The following CFHR1 variants were observed in gnomAD, a reference collection of about 807,000 sequenced individuals.
CFHR1 encodes the protein complement factor H-related protein 1.
A neutral mutation model predicts 30.4 loss-of-function variants in CFHR1; 22 were observed. The observed-to-expected ratio is 0.72, with a 90% CI of 0.52 to 1.03. CFHR1 has a LOEUF of 1.03. Ranked by LOEUF, CFHR1 falls within the 50% of genes least tolerant of loss-of-function variation. The pLI, the probability that CFHR1 is intolerant of heterozygous loss-of-function variation, is 0.00. For missense variants in CFHR1, 248 were observed against 380.6 expected (o/e 0.65, Z 2.90); for synonymous variants, 95 against 129.1 (o/e 0.74, Z 1.79).
At chr1:196,830,813 T>C in intron 5 of CFHR1, 131 bp downstream of exon 5, 1 of 1,261,838 alleles carries the variant, frequency 7.9e-7, no homozygotes, top group Non-Finnish European at 1.1e-6. Flanking sequence ...AAAATTTCTT[T>C]TAGAAAGTAA....
Position 196,823,174 on chromosome 1 carries a change from T to C in CFHR1, c.59-2303T>C, listed in dbSNP as rs2124885770. On this transcript the variant is annotated intron_variant, in intron 1 of 5. Coordinates refer to ENST00000320493, the MANE Select transcript of CFHR1 (RefSeq NM_002113.3). ...GTATTCACAATATTCTATCAAAATATTGAGACAATAAAAATTATTTTCTAC... is the reference window on the plus strand; with the variant it reads ...GTATTCACAATATTCTATCAAAATACTGAGACAATAAAAATTATTTTCTAC... Among the ~76,000 whole-genome samples, 2 of 132,986 alleles carry C rather than the reference T, an allele frequency of 1.5e-5. 1 individual carries two copies. The highest frequency in any genetic ancestry group is 6.5e-5 in the African/African-American group (2 of 30,784). 87.2% of individuals were successfully genotyped at this position (132,986 alleles called of 152,430 possible). A position where few individuals can be genotyped will look rare whatever the true frequency, so the allele number is the denominator to read the frequency against.
Position 196,830,513 on chromosome 1 carries a change from A to T in CFHR1, c.621A>T (p.Lys207Asn), listed in dbSNP as rs779301432. The change falls in exon 5 of 6, where the codon AAA becomes AAT. Residue 207 changes from lysine (K) to asparagine (N), a missense_variant. Transcript: ENST00000320493. ...EPPQCKDSTG[K>N]CGPPPPIDNG... Reference sequence around the variant, plus strand: ...GATGTTTTTTAGATTCTACGGGAAAATGTGGGCCCCCTCCACCTATTGACA... The same window carrying T: ...GATGTTTTTTAGATTCTACGGGAAATTGTGGGCCCCCTCCACCTATTGACA... The T allele has an allele frequency of 2.6e-6, 4 of 1,525,314 alleles. 1 individual carries two copies. The allele number at this position is 1,525,314 out of a possible 1,614,324, so 94.5% of individuals were successfully genotyped here. A position where few individuals can be genotyped will look rare whatever the true frequency, so the allele number is the denominator to read the frequency against.
intron 2 of CFHR1, 175 bp downstream of exon 2, chr1:196,825,846 A>G: frequency 1.7e-6 from 1 of 597,432 alleles, no homozygotes; most frequent in South Asian, 2.5e-5. Context: ...TGAAGAATAA[A>G]TATGTCAACT....
In CFHR1 at chr1:196,826,831, C is replaced by A. The variant is rs768098155; in HGVS notation, c.256C>A (p.Leu86Met). ...GWSPTPKCLRLCFFPFVENGH... is the reference protein window; with the variant it reads ...GWSPTPKCLRMCFFPFVENGH... Reference sequence around the variant, plus strand: ...ATTAATCCGTTTTTGGTCCTTAGGACTGTGTTTCTTTCCTTTTGTGGAAAA... The same window carrying A: ...ATTAATCCGTTTTTGGTCCTTAGGAATGTGTTTCTTTCCTTTTGTGGAAAA... Residue 86 changes from leucine (L) to methionine (M), a missense_variant and splice_region_variant, in exon 3 of 6, where the codon CTG (leucine) becomes ATG (methionine). By Grantham distance (15) the Leu-to-Met change is conservative (BLOSUM62 2). Transcript: ENST00000320493. The A allele has an allele frequency of 1.3e-6, 2 of 1,523,662 alleles. 1 individual carries two copies. Among genetic ancestry groups the A allele is most frequent in the South Asian group, 2.5e-5 (2 of 80,226 alleles). The allele number at this position is 1,523,662 out of a possible 1,614,324, so 94.4% of individuals were successfully genotyped here.
rs548339688 is a variant in CFHR1, at chr1:196,831,084, T to A, written c.790+402T>A. Among the ~76,000 whole-genome samples, 5 of 135,238 alleles carry A rather than the reference T, an allele frequency of 3.7e-5. No individual in the cohort carries two copies. In the South Asian group the frequency reaches 1.3e-3, roughly 35 times the overall value. 88.7% of individuals were successfully genotyped at this position (135,238 alleles called of 152,430 possible). On this transcript the variant is annotated intron_variant, in intron 5 of 5. Coordinates refer to ENST00000320493, the MANE Select transcript of CFHR1 (RefSeq NM_002113.3). ...GAGGCGGAGCTTGCAGTGAGCCGAG[T>A]TCGCGCCACTGCACTCCAGCCTGGG...
Position 196,824,156 on chromosome 1 carries a change from C to A in CFHR1, c.59-1321C>A, listed in dbSNP as rs117105494. On this transcript the variant is annotated intron_variant, in intron 1 of 5. Transcript: ENST00000320493. Reference sequence around the variant, plus strand: ...ATTGGTTCCAGGACGCTACCCACCCCCAGCAGATACCAAAATCCAAGGATA... The same window carrying A: ...ATTGGTTCCAGGACGCTACCCACCCACAGCAGATACCAAAATCCAAGGATA... 8.8e-4 allele frequency among the ~76,000 whole-genome samples: 118 copies of A among 134,748 alleles called. 15 individuals are homozygous for A. In the East Asian group the frequency reaches 0.023, roughly 26 times the overall value. The allele number at this position is 134,748 out of a possible 152,430, so 88.4% of individuals were successfully genotyped here.
rs1655371795 is a variant in CFHR1 at position 196,827,384 on chromosome 1, T to TAA, written c.430+379_430+380insAA. 1.5e-5 allele frequency among the ~76,000 whole-genome samples: 2 copies of TAA among 135,642 alleles called. 1 individual carries two copies. 89.0% of individuals were successfully genotyped at this position (135,642 alleles called of 152,430 possible). ...GTGTGAGAAGCATTGCTATAGTCTA[T>TAA]TATCACTACACATGGACCTGAAACT... On this transcript the variant is annotated intron_variant, in intron 3 of 5. Coordinates refer to ENST00000320493, the MANE Select transcript of CFHR1 (RefSeq NM_002113.3).
At chr1:196,830,435 C>T (rs1571379837) in intron 4 of CFHR1, 65 bp from the exon 5 acceptor site, 5 of 1,464,482 alleles carry the variant, frequency 3.4e-6, no homozygotes, top group Admixed American at 3.5e-5. Context: ...TTGTATTTGC[C>T]TTATTTGAAC....
At position 196,825,315 on chromosome 1, in the gene CFHR1, T is replaced by C. The variant is rs1363631148; in HGVS notation, c.59-162T>C. ...CAAATAGTCATGTACTCCTAGTTAGTGATGCTTTTCATTCCTAATTTGTAC... is the reference window on the plus strand; with the variant it reads ...CAAATAGTCATGTACTCCTAGTTAGCGATGCTTTTCATTCCTAATTTGTAC... On this transcript the variant is annotated intron_variant, in intron 1 of 5. Coordinates refer to ENST00000320493, the MANE Select transcript of CFHR1 (RefSeq NM_002113.3). 4 of 480,976 alleles carry C rather than the reference T, an allele frequency of 8.3e-6. 1 individual carries two copies. The African/African-American group carries it at 1.4e-4, about 17-fold the overall frequency. The allele number at this position is 480,976 out of a possible 1,614,324, so 29.8% of individuals were successfully genotyped here.
chr1:196,831,474 T>C lies in CFHR1; in HGVS notation c.791-323T>C, dbSNP rs183607970. ...TCTTATTCATATTATAGCTGAAAGTTTGTACTCTTTGACCAATATCTTAAT... is the reference window on the plus strand; with the variant it reads ...TCTTATTCATATTATAGCTGAAAGTCTGTACTCTTTGACCAATATCTTAAT... On this transcript the variant is annotated intron_variant, in intron 5 of 5. Coordinates refer to ENST00000320493, the MANE Select transcript of CFHR1 (RefSeq NM_002113.3). Among the ~76,000 whole-genome samples the C allele has an allele frequency of 9.8e-4, 133 of 135,584 alleles. 21 individuals are homozygous for C. In the East Asian group the frequency reaches 0.023, roughly 24 times the overall value. The allele number at this position is 135,584 out of a possible 152,430, so 88.9% of individuals were successfully genotyped here.
chr1:196,826,696 C>T lies in CFHR1; in HGVS notation c.254-133C>T, dbSNP rs1230948630. Reference sequence around the variant, plus strand: ...AACTCCTGGCCTCAAGTGATCCACTCGCCTCAGCCTCCCAAAGCGCAGAGA... The same window carrying T: ...AACTCCTGGCCTCAAGTGATCCACTTGCCTCAGCCTCCCAAAGCGCAGAGA... On this transcript the variant is annotated intron_variant, in intron 2 of 5. Coordinates refer to ENST00000320493, the MANE Select transcript of CFHR1 (RefSeq NM_002113.3). 1.2e-4 allele frequency: 97 copies of T among 843,462 alleles called. 24 individuals are homozygous for T. In the African/African-American group the frequency reaches 1.9e-3, roughly 16 times the overall value. The allele number at this position is 843,462 out of a possible 1,614,324, so 52.2% of individuals were successfully genotyped here.
rs183942234 is a variant in CFHR1 at position 196,820,649 on chromosome 1, A to G, written c.58+747A>G. 6.3e-5 allele frequency among the ~76,000 whole-genome samples: 8 copies of G among 126,426 alleles called. 1 individual carries two copies. The highest frequency in any genetic ancestry group is 2.7e-4 in the African/African-American group (8 of 29,134). 82.9% of individuals were successfully genotyped at this position (126,426 alleles called of 152,430 possible). On this transcript the variant is annotated intron_variant, in intron 1 of 5. Transcript: ENST00000320493. ...GTCTGTACATGGAGTTTCGATCATT[A>G]TGCTTTACCCTTTGATTTCCAAAAA... is the stretch of plus-strand genomic sequence containing the variant.
chr1:196,828,943 C>T lies in CFHR1; in HGVS notation c.607+697C>T, dbSNP rs1236628159. Among the ~76,000 whole-genome samples, 5 of 132,900 alleles carry T rather than the reference C, an allele frequency of 3.8e-5. 1 individual carries two copies. The highest frequency in any genetic ancestry group is 9.8e-5 in the African/African-American group (3 of 30,744). The allele number at this position is 132,900 out of a possible 152,430, so 87.2% of individuals were successfully genotyped here. A position where few individuals can be genotyped will look rare whatever the true frequency, so the allele number is the denominator to read the frequency against. On this transcript the variant is annotated intron_variant, in intron 4 of 5. Transcript: ENST00000320493. The stretch of plus-strand genomic sequence containing the variant: ...AACTGGTGCACTTGGACCAATTACA[C>T]TTAACATAATTATTGATATATAGGA...
At position 196,828,220 on chromosome 1, in the gene CFHR1, A is replaced by T; in HGVS notation, c.581A>T (p.Asn194Ile). 1 of 1,228,912 alleles carries T rather than the reference A, an allele frequency of 8.1e-7. No homozygotes were observed. Among genetic ancestry groups the T allele is most frequent in the South Asian group, 1.5e-5 (1 of 66,284 alleles). The allele number at this position is 1,228,912 out of a possible 1,614,324, so 76.1% of individuals were successfully genotyped here. Residue 194 changes from asparagine to isoleucine, a missense_variant, in exon 4 of 6, where the codon AAC (asparagine) becomes ATC (isoleucine). Asn to Ile is a moderately radical substitution (Grantham distance 149). This residue lies in a region of CFHR1 where 15 missense variants were observed against 61.7 expected (regional missense o/e 0.24). Coordinates refer to ENST00000320493, the MANE Select transcript of CFHR1 (RefSeq NM_002113.3). ...GAAGAAGTGATGTGTTTAAATGGAA[A>T]CTGGACAGAACCACCTCAATGCAAA... The part of the protein sequence containing the change: ...GDEEVMCLNG[N>I]WTEPPQCKDS...
intron 1 of CFHR1, among the ~76,000 whole-genome samples, chr1:196,822,756 A>C (rs1573146059): frequency 7.4e-6 from 1 of 134,682 alleles, no homozygotes; most frequent in East Asian, 2.0e-4. Flanking sequence ...AATTTTTTTA[A>C]TCAATAGAAG....
At chr1:196,830,367 G>A in intron 4 of CFHR1, 133 bp from the exon 5 acceptor site, 1 of 1,010,876 alleles carries the variant, frequency 9.9e-7, no homozygotes, top group South Asian at 1.6e-5. Flanking sequence ...ATTTCTTCCA[G>A]GACTCATTTC....
intron 2 of CFHR1, 136 bp from the exon 3 acceptor site, chr1:196,826,693 A>T: frequency 2.5e-6 from 2 of 814,056 alleles, no homozygotes; most frequent in South Asian, 1.8e-5. Context: ...CAAGTGATCC[A>T]CTCGCCTCAG....
chr1:196,824,448 G>A (rs424108), intron 1 of CFHR1, among the ~76,000 whole-genome samples: 58,794 of 126,496 alleles, frequency 0.46, 19,175 homozygotes, highest in African/African-American at 0.57. Flanking sequence ...AGTAGAGATG[G>A]GGTTTCACCA....
intron 1 of CFHR1, among the ~76,000 whole-genome samples, chr1:196,824,115 T>C (rs1655228529): frequency 7.4e-6 from 1 of 134,468 alleles, no homozygotes; most frequent in Admixed American, 7.2e-5. Flanking sequence ...CAGTAGTCCT[T>C]TAGCATCCTC....
Sources: gnomAD v4.1 joint callset for allele counts (sites outside exome capture counted in the v4.1 genomes callset) on GRCh38, gnomAD v4.1.1 for gene constraint, gnomAD v4.1.1 regional missense constraint, MANE v1.5 for transcripts, NCBI Gene and HGNC (gene_info 2026-07-23, HGNC 2026-07-21) for gene names.